Variants in WDSUB1 observed in about 807,000 individuals in gnomAD.
The protein encoded by WDSUB1 is WD repeat, sterile alpha motif and U-box domain containing 1, also known as WD repeat, SAM and U-box domain-containing protein 1.
Under a neutral mutation model 53.9 loss-of-function variants are expected in WDSUB1, and 49 were observed. The observed-to-expected ratio is 0.91, with a 90% CI of 0.72 to 1.15. The LOEUF (loss-of-function observed/expected upper bound fraction) is 1.15, where lower values mean the gene tolerates loss of function less well. WDSUB1 is among the 50% of genes most tolerant of loss of function. The probability of loss-of-function intolerance (pLI) is 0.00; values close to 1 mark genes in which losing one functional copy is unlikely to be tolerated. For synonymous variants in WDSUB1, 194 were observed against 200.6 expected (o/e 0.97, Z 0.28); for missense variants, 514 against 562.0 (o/e 0.91, Z 0.86).
chr2:159,282,432 T>G (rs57277789), intron 2 of WDSUB1, among the ~76,000 whole-genome samples: 3,108 of 149,982 alleles, frequency 0.021, 119 homozygotes, highest in African/African-American at 0.074. Flanking sequence ...GACCTCGTGA[T>G]CCGCCTGCCT....
chr2:159,247,924 TATAA>T (rs1208069552), intron 10 of WDSUB1, among the ~76,000 whole-genome samples: 42 of 74,782 alleles, frequency 5.6e-4, no homozygotes, highest in South Asian at 4.6e-3. Flanking sequence ...TATATATATA[TATAA>T]ATATATATAT....
intron 10 of WDSUB1, among the ~76,000 whole-genome samples, chr2:159,236,906 C>T (rs2060497552): frequency 6.6e-6 from 1 of 152,168 alleles, no homozygotes; most frequent in East Asian, 1.9e-4. Flanking sequence ...CAGGCATGAG[C>T]CACCATGCCC....
At chr2:159,240,914 G>A (rs1658622965) in intron 10 of WDSUB1, among the ~76,000 whole-genome samples, 1 of 152,206 alleles carries the variant, frequency 6.6e-6, no homozygotes, top group Non-Finnish European at 1.5e-5. Context: ...CTGGTAGGCA[G>A]GTCCAAGAAA....
chr2:159,271,944 C>A, intron 4 of WDSUB1, 149 bp from the exon 5 acceptor site: 1 of 641,798 alleles, frequency 1.6e-6, no homozygotes. Context: ...GCTCAGATAT[C>A]TATAAGGAAA....
chr2:159,263,619 G>C (rs2061273163), intron 5 of WDSUB1, among the ~76,000 whole-genome samples: 1 of 152,172 alleles, frequency 6.6e-6, no homozygotes, highest in Admixed American at 6.5e-5. Context: ...GAAGCCCTCA[G>C]ACTGAGACCT....
intron 10 of WDSUB1, among the ~76,000 whole-genome samples, chr2:159,239,586 T>C (rs1317436644): frequency 1.3e-5 from 2 of 148,356 alleles, no homozygotes; most frequent in African/African-American, 2.6e-5. Flanking sequence ...GTAATGGGAA[T>C]GCTTCCACTG....
At chr2:159,286,065 C>CCTA (rs995408034) in intron 1 of WDSUB1, among the ~76,000 whole-genome samples, 5 of 152,230 alleles carry the variant, frequency 3.3e-5, no homozygotes, top group South Asian at 2.1e-4. Flanking sequence ...AGCTCTCAGG[C>CCTA]CTACCCAGGA....
intron 10 of WDSUB1, among the ~76,000 whole-genome samples, chr2:159,241,303 C>G (rs1206153686): frequency 6.6e-6 from 1 of 152,190 alleles, no homozygotes; most frequent in East Asian, 1.9e-4. Flanking sequence ...TGTGTTGTAA[C>G]ATAAGATGAT....
intron 10 of WDSUB1, among the ~76,000 whole-genome samples, chr2:159,245,215 A>C (rs1397499934): frequency 1.3e-5 from 2 of 152,178 alleles, no homozygotes; most frequent in African/African-American, 4.8e-5. Context: ...TGTGATTTTC[A>C]CTATCTGACT....
At chr2:159,276,692 A>G (rs1020883067) in intron 3 of WDSUB1, among the ~76,000 whole-genome samples, 1 of 152,208 alleles carries the variant, frequency 6.6e-6, no homozygotes, top group Non-Finnish European at 1.5e-5. Flanking sequence ...AGTTTCATCA[A>G]GTAAGTTTTG....
At chr2:159,258,172 A>T (rs1371448048) in intron 6 of WDSUB1, among the ~76,000 whole-genome samples, 187 bp from the exon 7 acceptor site, 1 of 152,210 alleles carries the variant, frequency 6.6e-6, no homozygotes, top group East Asian at 1.9e-4. Flanking sequence ...TCAGGTACTT[A>T]CTTCACTTTT....
intron 10 of WDSUB1, among the ~76,000 whole-genome samples, chr2:159,246,423 GTC>G (rs2060797798): frequency 9.7e-6 from 1 of 103,276 alleles, no homozygotes; most frequent in Non-Finnish European, 2.0e-5. Flanking sequence ...CAGAGCGAGA[GTC>G]TGTCTCAAAA....
At position 159,271,685 on chromosome 2, in the gene WDSUB1, TAAAC is replaced by T; in HGVS notation, c.770+13_770+16del. 1.2e-6 allele frequency: 2 copies of T among 1,608,864 alleles called. No individual in the cohort carries two copies. Among genetic ancestry groups the T allele is most frequent in the Non-Finnish European group, 1.7e-6 (2 of 1,177,078 alleles). ...TCATATAAAAATGGTTTAGGAAAATTAAACCAACTAGCTTACCCTGAGACTAGCA... is the reference window on the plus strand; with the variant it reads ...TCATATAAAAATGGTTTAGGAAAATTCAACTAGCTTACCCTGAGACTAGCA... On this transcript the variant is annotated intron_variant, in intron 5 of 10. Transcript: ENST00000359774.
chr2:159,259,036 A>AATTTTTTTTTTTTT (rs1436442238), intron 6 of WDSUB1, among the ~76,000 whole-genome samples: 7 of 150,712 alleles, frequency 4.6e-5, no homozygotes, highest in South Asian at 2.1e-4. Context: ...CAACTACTTT[A>AATTTTTTTTTTTTT]TTTTTGAGAC....
intron 2 of WDSUB1, among the ~76,000 whole-genome samples, chr2:159,282,162 T>C (rs1210268979): frequency 6.6e-6 from 1 of 152,064 alleles, no homozygotes; most frequent in African/African-American, 2.4e-5. Flanking sequence ...AACAACTCTC[T>C]GGGTTTTTGA....
At chr2:159,236,925 AG>A (rs2060498252) in intron 10 of WDSUB1, among the ~76,000 whole-genome samples, 2 of 152,140 alleles carry the variant, frequency 1.3e-5, no homozygotes, top group Admixed American at 1.3e-4. Flanking sequence ...CCGGCCACCA[AG>A]GTTTTTTTAA....
chr2:159,266,978 GC>G (rs796310466), intron 5 of WDSUB1, among the ~76,000 whole-genome samples: 31 of 152,122 alleles, frequency 2.0e-4, no homozygotes, highest in African/African-American at 7.5e-4. Flanking sequence ...TTCCTATGTT[GC>G]CCAGGCTGGT....
intron 9 of WDSUB1, among the ~76,000 whole-genome samples, chr2:159,251,062 A>C (rs142435510): frequency 0.04 from 6,098 of 151,558 alleles, 397 homozygotes; most frequent in African/African-American, 0.14. Context: ...CAGGAGTTTG[A>C]GACCAGCCTG....
intron 9 of WDSUB1, among the ~76,000 whole-genome samples, chr2:159,255,161 AAGAGAT>A (rs1559540530): frequency 6.6e-6 from 1 of 151,812 alleles, no homozygotes; most frequent in Non-Finnish European, 1.5e-5. Flanking sequence ...CCCACACAAA[AAGAGAT>A]AGAAAAGTGA....
Sources: gnomAD v4.1 joint callset for allele counts (sites outside exome capture counted in the v4.1 genomes callset) on GRCh38, gnomAD v4.1.1 for gene constraint, MANE v1.5 for transcripts, NCBI Gene and HGNC (gene_info 2026-07-23, HGNC 2026-07-21) for gene names.